TTC28: variants seen among roughly 807,000 people sequenced by gnomAD.
The protein encoded by TTC28 is tetratricopeptide repeat protein 28.
A neutral mutation model predicts 198.0 loss-of-function variants in TTC28; 61 were observed. The ratio of observed to expected loss-of-function variants is 0.31; its 90% CI spans 0.25 to 0.38. The LOEUF (loss-of-function observed/expected upper bound fraction) is 0.38. Among genes scored for constraint, TTC28 ranks in the 10% least tolerant of loss-of-function variants. The pLI, the probability that TTC28 is intolerant of heterozygous loss-of-function variation, is 1.00. For missense variants in TTC28, 2,678 were observed against 3,164.0 expected (o/e 0.85, Z 3.69); for synonymous variants, 1,171 against 1,297.8 (o/e 0.90, Z 2.10).
chr22:28,027,870 C>T (rs986825667), intron 13 of TTC28, among the ~76,000 whole-genome samples: 2 of 152,234 alleles, frequency 1.3e-5, no homozygotes, highest in Non-Finnish European at 2.9e-5. Flanking sequence ...AGATCTCCCT[C>T]CTCTCTGGCC....
At chr22:28,057,757 G>A (rs530718053) in intron 12 of TTC28, among the ~76,000 whole-genome samples, 4 of 152,040 alleles carry the variant, frequency 2.6e-5, no homozygotes, top group Non-Finnish European at 5.9e-5. Flanking sequence ...GATCCATCTT[G>A]AATTGATTTT....
In TTC28 at chr22:28,310,270, T is replaced by C. The variant is rs1158212662; in HGVS notation, c.382-3627A>G. 2.2e-4 allele frequency among the ~76,000 whole-genome samples: 33 copies of C among 152,058 alleles called. 1 individual carries two copies. The highest frequency in any genetic ancestry group is 2.2e-3 in the Admixed American group (33 of 15,250). ...CTTGACTGCTGGCTGCAGTAAATGA[T>C]AACTAAAAGTAACTAATGCTGTAAA... On this transcript the variant is annotated intron_variant, in intron 2 of 22. Transcript: ENST00000397906.
intron 5 of TTC28, 90 bp downstream of exon 5, chr22:28,296,108 T>C: frequency 7.6e-7 from 1 of 1,317,686 alleles, no homozygotes; most frequent in African/African-American, 1.5e-5. Context: ...TATTTTAAGA[T>C]ACCTGAAACA....
intron 2 of TTC28, among the ~76,000 whole-genome samples, chr22:28,580,210 ACCTT>A (rs2050215970): frequency 1.3e-5 from 2 of 152,092 alleles, no homozygotes; most frequent in South Asian, 4.1e-4. Flanking sequence ...GGATAACTGC[ACCTT>A]CCTAATTTTC....
At chr22:28,511,998 G>A (rs758728422) in intron 2 of TTC28, among the ~76,000 whole-genome samples, 13 of 151,674 alleles carry the variant, frequency 8.6e-5, no homozygotes, top group African/African-American at 1.5e-4. Flanking sequence ...ATCTATCATC[G>A]GAGTGAACGG....
At chr22:28,479,732 TG>T (rs1034736064) in intron 2 of TTC28, among the ~76,000 whole-genome samples, 23 of 152,114 alleles carry the variant, frequency 1.5e-4, no homozygotes, top group Non-Finnish European at 8.8e-5. Flanking sequence ...TAATCTTCCT[TG>T]TTCTCTCTTC....
intron 2 of TTC28, among the ~76,000 whole-genome samples, chr22:28,583,130 G>A (rs1038386451): frequency 2.6e-5 from 4 of 151,940 alleles, no homozygotes; most frequent in Admixed American, 1.3e-4. Flanking sequence ...ACCCACCCCC[G>A]CAATGCAACC....
intron 2 of TTC28, among the ~76,000 whole-genome samples, chr22:28,441,761 T>G (rs1440812789): frequency 6.6e-6 from 1 of 151,708 alleles, no homozygotes; most frequent in Non-Finnish European, 1.5e-5. Context: ...CTAGTTCAAG[T>G]AAAAACCAGG....
At chr22:28,283,568 T>C (rs1006845430) in intron 5 of TTC28, among the ~76,000 whole-genome samples, 3 of 152,170 alleles carry the variant, frequency 2.0e-5, no homozygotes, top group Non-Finnish European at 2.9e-5. Context: ...AAGTCAAAAA[T>C]AGTCTTTTCT....
At chr22:28,559,080 A>C (rs888565231) in intron 2 of TTC28, among the ~76,000 whole-genome samples, 1 of 152,312 alleles carries the variant, frequency 6.6e-6, no homozygotes, top group Admixed American at 6.5e-5. Flanking sequence ...TTCCAAGTGA[A>C]TGATGACCCA....
intron 2 of TTC28, among the ~76,000 whole-genome samples, chr22:28,431,635 T>C (rs1185412318): frequency 1.3e-5 from 2 of 152,204 alleles, no homozygotes; most frequent in African/African-American, 2.4e-5. Flanking sequence ...GATAAAGAAA[T>C]GTACTAAGTT....
chr22:28,517,525 T>C (rs1276319481), intron 2 of TTC28, among the ~76,000 whole-genome samples: 2 of 152,086 alleles, frequency 1.3e-5, no homozygotes, highest in Non-Finnish European at 2.9e-5. Flanking sequence ...AAAAAAGGAA[T>C]GCAGACAGAA....
At chr22:28,166,931 T>A (rs1051804804) in intron 5 of TTC28, among the ~76,000 whole-genome samples, 6 of 151,922 alleles carry the variant, frequency 3.9e-5, no homozygotes, top group African/African-American at 1.2e-4. Context: ...CTAGAAAGAC[T>A]AATAAAGAAG....
rs1244845276 is a variant in TTC28 at position 27,993,269 on chromosome 22, C to G, written c.5476+18G>C. 2 of 1,507,590 alleles carry G rather than the reference C, an allele frequency of 1.3e-6. No individual in the cohort carries two copies. The highest frequency in any genetic ancestry group is 1.8e-6 in the Non-Finnish European group (2 of 1,127,616). 93.4% of individuals were successfully genotyped at this position (1,507,590 alleles called of 1,614,324 possible). On this transcript the variant is annotated intron_variant, in intron 18 of 22. Transcript: ENST00000397906. ...TGTCAGCCAGGCCTGTTGCCCCAGC[C>G]CTACACCCACAGCTCACCCAGCAGG...
chr22:28,490,052 T>C (rs1184604940), intron 2 of TTC28, among the ~76,000 whole-genome samples: 1 of 152,130 alleles, frequency 6.6e-6, no homozygotes, highest in Middle Eastern at 3.2e-3. Context: ...GCCAGTCTAG[T>C]CTTTTCACGT....
intron 2 of TTC28, among the ~76,000 whole-genome samples, chr22:28,367,960 T>C (rs965310357): frequency 2.0e-5 from 3 of 151,998 alleles, no homozygotes; most frequent in Admixed American, 6.6e-5. Context: ...ACTCGATGGC[T>C]TCACTGCTTA....
intron 2 of TTC28, among the ~76,000 whole-genome samples, chr22:28,602,034 T>G (rs73882788): frequency 1.3e-5 from 2 of 152,138 alleles, no homozygotes; most frequent in South Asian, 4.1e-4. Context: ...ATGGACTGGA[T>G]GCTAGGATCA....
intron 13 of TTC28, among the ~76,000 whole-genome samples, chr22:28,025,158 A>G (rs1455214320): frequency 6.8e-6 from 1 of 146,948 alleles, no homozygotes; most frequent in East Asian, 2.1e-4. Context: ...GCATCAATCT[A>G]TCAGTTTCTT....
chr22:28,169,779 C>A (rs1048064636), intron 5 of TTC28, among the ~76,000 whole-genome samples: 1 of 151,540 alleles, frequency 6.6e-6, no homozygotes, highest in African/African-American at 2.4e-5. Context: ...ATGTAAGGAA[C>A]CTGCACATTG....
Sources: allele counts gnomAD v4.1 joint callset (sites outside exome capture counted in the v4.1 genomes callset), GRCh38; gene constraint gnomAD v4.1.1; transcripts MANE v1.5; gene names NCBI Gene and HGNC (gene_info 2026-07-23, HGNC 2026-07-21).